Variants in TENM2 observed in about 807,000 individuals in gnomAD.
TENM2 encodes the protein teneurin-2.
In TENM2, 52 loss-of-function variants were observed where a neutral mutation model predicts 245.2. The observed-to-expected ratio is 0.21, with a 90% CI of 0.17 to 0.27. TENM2 has a LOEUF of 0.27. Ranked by LOEUF, TENM2 falls within the 10% of genes least tolerant of loss-of-function variation. The pLI, the probability that TENM2 is intolerant of heterozygous loss-of-function variation, is 1.00. For synonymous variants in TENM2, 1,363 were observed against 1,438.9 expected (o/e 0.95, Z 1.19); for missense variants, 3,046 against 3,666.8 (o/e 0.83, Z 4.37).
At chr5:167,582,882 T>C (rs939515497) in intron 2 of TENM2, among the ~76,000 whole-genome samples, 1 of 152,208 alleles carries the variant, frequency 6.6e-6, no homozygotes, top group Non-Finnish European at 1.5e-5. Context: ...TAGAAATGAA[T>C]CATTTCATGA....
At chr5:167,275,385 A>G in the TENM2 span, among the ~76,000 whole-genome samples, 16,997 of 152,082 alleles carry the variant, frequency 0.11, 1,117 homozygotes, top group East Asian at 0.19. Context: ...AAACTTATCT[A>G]TATCTACAAA....
chr5:167,138,323 G>C, the TENM2 span, among the ~76,000 whole-genome samples: 1 of 152,186 alleles, frequency 6.6e-6, no homozygotes, highest in African/African-American at 2.4e-5. Context: ...GTTTAAAATG[G>C]ACTCAGAGCA....
intron 2 of TENM2, among the ~76,000 whole-genome samples, chr5:167,614,590 A>G (rs1184307080): frequency 6.6e-6 from 1 of 152,146 alleles, no homozygotes; most frequent in Non-Finnish European, 1.5e-5. Flanking sequence ...ATATTTGGGA[A>G]GTAGAAAACG....
the TENM2 span, among the ~76,000 whole-genome samples, chr5:167,255,651 T>C: frequency 1.3e-5 from 2 of 152,174 alleles, no homozygotes; most frequent in African/African-American, 2.4e-5. Context: ...ACAGCTACAT[T>C]TTTTTCAAGA....
At chr5:167,933,436 A>G (rs1193062848) in intron 3 of TENM2, among the ~76,000 whole-genome samples, 1 of 152,206 alleles carries the variant, frequency 6.6e-6, no homozygotes, top group African/African-American at 2.4e-5. Flanking sequence ...ACACAGCTAT[A>G]TGACTGCATA....
At chr5:167,507,044 C>A (rs1221749360) in intron 2 of TENM2, among the ~76,000 whole-genome samples, 2 of 152,080 alleles carry the variant, frequency 1.3e-5, no homozygotes, top group Non-Finnish European at 2.9e-5. Flanking sequence ...AAACAAGTAG[C>A]CAGAAGCATT....
chr5:167,866,595 A>G (rs1343262891), intron 2 of TENM2, among the ~76,000 whole-genome samples: 1 of 152,120 alleles, frequency 6.6e-6, no homozygotes, highest in Admixed American at 6.5e-5. Context: ...TCAAAAGGAC[A>G]GTTGTTTCGG....
At chr5:167,447,068 T>G (rs1384018192) in intron 2 of TENM2, among the ~76,000 whole-genome samples, 11 of 152,208 alleles carry the variant, frequency 7.2e-5, no homozygotes, top group African/African-American at 2.4e-4. Context: ...ACATTGGGGT[T>G]TTCAGATTTG....
At chr5:167,179,153 A>G in the TENM2 span, among the ~76,000 whole-genome samples, 1 of 152,190 alleles carries the variant, frequency 6.6e-6, no homozygotes, top group Non-Finnish European at 1.5e-5. Context: ...TGAAAGCTAC[A>G]TGGAAACATA....
At chr5:167,746,485 C>A (rs1170597463) in intron 2 of TENM2, among the ~76,000 whole-genome samples, 1 of 152,014 alleles carries the variant, frequency 6.6e-6, no homozygotes, top group Non-Finnish European at 1.5e-5. Context: ...AGCCATGGCC[C>A]CTTGAGGTCA....
chr5:167,921,448 A>C (rs527639999), intron 3 of TENM2, among the ~76,000 whole-genome samples: 7 of 152,188 alleles, frequency 4.6e-5, no homozygotes, highest in Admixed American at 6.5e-5. Flanking sequence ...TCTAAAAGTA[A>C]GAGTTTCCTG....
At chr5:167,499,144 G>A (rs76075501) in intron 2 of TENM2, among the ~76,000 whole-genome samples, 6,246 of 152,102 alleles carry the variant, frequency 0.041, 192 homozygotes, top group Non-Finnish European at 0.062. Context: ...TCTGTGTCCC[G>A]TGGGACCTTT....
intron 2 of TENM2, among the ~76,000 whole-genome samples, chr5:167,520,797 C>T (rs1770701423): frequency 1.3e-5 from 2 of 151,708 alleles, no homozygotes; most frequent in African/African-American, 4.8e-5. Context: ...CACATGGCCT[C>T]TACTGCTTGT....
At chr5:168,229,332 A>G (rs1764609839) in intron 25 of TENM2, among the ~76,000 whole-genome samples, 1 of 151,220 alleles carries the variant, frequency 6.6e-6, no homozygotes, top group Admixed American at 6.6e-5. Flanking sequence ...GTGGTCATCC[A>G]GAGCTTCTCA....
intron 2 of TENM2, among the ~76,000 whole-genome samples, chr5:167,688,345 T>C (rs1022074674): frequency 1.3e-5 from 2 of 152,234 alleles, no homozygotes; most frequent in African/African-American, 4.8e-5. Flanking sequence ...TCATTTTTTA[T>C]GATTCTCCTT....
At chr5:167,408,528 A>G (rs950902489) in intron 2 of TENM2, among the ~76,000 whole-genome samples, 3 of 152,096 alleles carry the variant, frequency 2.0e-5, no homozygotes, top group Non-Finnish European at 4.4e-5. Context: ...TATATCATTG[A>G]GAAATAAAGT....
intron 2 of TENM2, among the ~76,000 whole-genome samples, chr5:167,773,775 A>G (rs1375773739): frequency 6.6e-6 from 1 of 152,140 alleles, no homozygotes; most frequent in Non-Finnish European, 1.5e-5. Flanking sequence ...CTGCTTGATA[A>G]TAAAGCTTAG....
Position 167,869,471 on chromosome 5 carries a change from A to T in TENM2, c.503-6515A>T, listed in dbSNP as rs1258316065. On this transcript the variant is annotated intron_variant, in intron 2 of 28. Transcript: ENST00000518659. ...TCTCTATACTTGTTGAACAACTGAC[A>T]GTGTGGGTGATAAGTGTGGAAGGGG... Among the ~76,000 whole-genome samples the T allele has an allele frequency of 2.0e-5, 3 of 152,226 alleles. No individual in the cohort carries two copies. The East Asian group carries it at 5.8e-4, about 29-fold the overall frequency.
downstream of TENM2, chr5:168,263,453 A>C (rs1380112066): frequency 6.6e-6 from 1 of 152,522 alleles, no homozygotes; most frequent in African/African-American, 2.4e-5. Flanking sequence ...GGGATAAAAG[A>C]GGAGGAGTGA....
Sources: allele counts gnomAD v4.1 joint callset (sites outside exome capture counted in the v4.1 genomes callset), GRCh38; gene constraint gnomAD v4.1.1; transcripts MANE v1.5; gene names NCBI Gene and HGNC (gene_info 2026-07-23, HGNC 2026-07-21).